Variants in ATE1 observed in about 807,000 individuals in gnomAD.
The protein encoded by ATE1 is arginyl-tRNA--protein transferase 1.
A neutral mutation model predicts 70.5 loss-of-function variants in ATE1; 36 were observed. The ratio of observed to expected loss-of-function variants is 0.51; its 90% CI spans 0.39 to 0.67. The LOEUF (loss-of-function observed/expected upper bound fraction) is 0.67. ATE1 is among the 30% of genes least tolerant of loss of function. The pLI is 0.00. For synonymous variants in ATE1, 232 were observed against 219.3 expected (o/e 1.06, Z -0.51); for missense variants, 593 against 629.5 (o/e 0.94, Z 0.62).
intron 11 of ATE1, among the ~76,000 whole-genome samples, chr10:121,753,337 A>G (rs1480996503): frequency 2.6e-5 from 4 of 152,210 alleles, no homozygotes; most frequent in Non-Finnish European, 5.9e-5. Flanking sequence ...CTAAAATATA[A>G]TATTTCAAAG....
intron 10 of ATE1, among the ~76,000 whole-genome samples, chr10:121,800,536 ATT>A (rs1946836116): frequency 6.6e-6 from 1 of 152,336 alleles, no homozygotes; most frequent in African/African-American, 2.4e-5. Flanking sequence ...AGGATTTTAT[ATT>A]TGAAAAGAGG....
At chr10:121,755,237 C>T (rs1273510886) in intron 11 of ATE1, among the ~76,000 whole-genome samples, 2 of 152,146 alleles carry the variant, frequency 1.3e-5, no homozygotes, top group Non-Finnish European at 2.9e-5. Context: ...TAGATGGTAA[C>T]ATCTCAATGT....
intron 11 of ATE1, among the ~76,000 whole-genome samples, chr10:121,749,042 A>T (rs1291182520): frequency 6.6e-6 from 1 of 152,168 alleles, no homozygotes. Flanking sequence ...ACTGTCCCAA[A>T]TTCTTTAGTT....
At chr10:121,886,305 A>G (rs941865085) in intron 7 of ATE1, among the ~76,000 whole-genome samples, 16 of 151,704 alleles carry the variant, frequency 1.1e-4, no homozygotes, top group Non-Finnish European at 1.9e-4. Flanking sequence ...AAAAAAAAAA[A>G]AAACCCACCT....
At chr10:121,753,293 C>T (rs1219614688) in intron 11 of ATE1, among the ~76,000 whole-genome samples, 1 of 152,014 alleles carries the variant, frequency 6.6e-6, no homozygotes, top group Admixed American at 6.5e-5. Context: ...AATCTGAATG[C>T]CTTTTATTTC....
intron 3 of ATE1, among the ~76,000 whole-genome samples, chr10:121,920,347 C>T (rs1951830043): frequency 6.6e-6 from 1 of 151,858 alleles, no homozygotes; most frequent in Admixed American, 6.6e-5. Context: ...GCCTAGGAAA[C>T]ATGGCAAGAC....
chr10:121,788,301 G>T (rs1026025639), intron 11 of ATE1, among the ~76,000 whole-genome samples: 1 of 152,152 alleles, frequency 6.6e-6, no homozygotes. Context: ...ACGATCAGAC[G>T]CTGGCTAATA....
At chr10:121,784,614 T>C (rs1332276074) in intron 11 of ATE1, among the ~76,000 whole-genome samples, 3 of 152,152 alleles carry the variant, frequency 2.0e-5, no homozygotes, top group African/African-American at 7.2e-5. Flanking sequence ...TCCCAGCACT[T>C]TGGGAGGCAG....
chr10:121,811,740 T>A (rs1947326187), intron 10 of ATE1, among the ~76,000 whole-genome samples: 1 of 152,164 alleles, frequency 6.6e-6, no homozygotes, highest in African/African-American at 2.4e-5. Context: ...TCTGATTTAA[T>A]CTAAATTAAG....
intron 11 of ATE1, among the ~76,000 whole-genome samples, chr10:121,756,272 C>A (rs145152876): frequency 0.01 from 1,563 of 152,322 alleles, 11 homozygotes; most frequent in African/African-American, 0.027. Context: ...TGGTCTTGGG[C>A]AGCTCCGCCC....
intron 10 of ATE1, among the ~76,000 whole-genome samples, chr10:121,801,493 T>G (rs975351730): frequency 1.1e-4 from 16 of 152,030 alleles, no homozygotes; most frequent in Admixed American, 2.0e-4. Flanking sequence ...TGAAGGGTCG[T>G]AAGTTGAAAA....
At chr10:121,839,973 G>C (rs1239926673) in intron 9 of ATE1, among the ~76,000 whole-genome samples, 1 of 152,174 alleles carries the variant, frequency 6.6e-6, no homozygotes, top group Non-Finnish European at 1.5e-5. Context: ...GAGATGAAAA[G>C]AGAAAAGTAT....
intron 7 of ATE1, among the ~76,000 whole-genome samples, chr10:121,879,065 A>G (rs551894558): frequency 3.3e-5 from 5 of 152,348 alleles, no homozygotes; most frequent in Admixed American, 3.3e-4. Flanking sequence ...AAAATACACA[A>G]TTTTATGATA....
Position 121,910,909 on chromosome 10 carries a change from G to C in ATE1, c.580C>G (p.Pro194Ala). The C allele has an allele frequency of 5.6e-6, 9 of 1,613,086 alleles. No homozygotes were observed. Among genetic ancestry groups the C allele is most frequent in the Non-Finnish European group, 7.6e-6 (9 of 1,179,824 alleles). ...HSVKVHTVPKPGKGADLSKPP... is the reference protein window; with the variant it reads ...HSVKVHTVPKAGKGADLSKPP... ...TGGTATCAAAAATCTTTACTACCTG[G>C]CTTAGGAACTGTGTGAACTTTAACT... The change falls in exon 5 of 12, where the codon CCA becomes GCA. Residue 194 changes from proline (P) to alanine (A), a missense_variant. Transcript: ENST00000224652.
At chr10:121,819,686 A>AAAAAAAAAAC in intron 10 of ATE1, among the ~76,000 whole-genome samples, 1 of 147,434 alleles carries the variant, frequency 6.8e-6, no homozygotes, top group African/African-American at 2.5e-5. Context: ...TCTCAAAAAA[A>AAAAAAAAAAC]AAAAAAAAAA....
In ATE1 at chr10:121,836,833, G is replaced by C. The variant is rs1188898330; in HGVS notation, c.1158-16C>G. 2 of 1,470,040 alleles carry C rather than the reference G, an allele frequency of 1.4e-6. No individual in the cohort carries two copies. The highest frequency in any genetic ancestry group is 1.9e-6 in the Non-Finnish European group (2 of 1,060,944). The allele number at this position is 1,470,040 out of a possible 1,614,324, so 91.1% of individuals were successfully genotyped here. Reference sequence around the variant, plus strand: ...AGCAATTTCTCTGCGAAAAGAAAAAGAAGAAAGCTGAAGGCAGTTAATTCT... The same window carrying C: ...AGCAATTTCTCTGCGAAAAGAAAAACAAGAAAGCTGAAGGCAGTTAATTCT... On this transcript the variant is annotated splice_polypyrimidine_tract_variant and intron_variant, in intron 9 of 11. Transcript: ENST00000224652.
chr10:121,919,505 G>A (rs76221799), intron 3 of ATE1, among the ~76,000 whole-genome samples: 1 of 152,078 alleles, frequency 6.6e-6, no homozygotes, highest in East Asian at 1.9e-4. Flanking sequence ...AGGTTGCAGT[G>A]AGCCGAGATA....
intron 10 of ATE1, among the ~76,000 whole-genome samples, chr10:121,812,165 A>G (rs1326869836): frequency 6.6e-6 from 1 of 151,922 alleles, no homozygotes; most frequent in Non-Finnish European, 1.5e-5. Context: ...CATGTTGCCC[A>G]GGCTAGTCTG....
chr10:121,768,770 A>T (rs771125212), intron 11 of ATE1, among the ~76,000 whole-genome samples: 5 of 152,068 alleles, frequency 3.3e-5, no homozygotes, highest in Non-Finnish European at 7.4e-5. Flanking sequence ...ACAGAAGACC[A>T]CCATGGTCTG....
Sources: allele counts gnomAD v4.1 joint callset (sites outside exome capture counted in the v4.1 genomes callset), GRCh38; gene constraint gnomAD v4.1.1; transcripts MANE v1.5; gene names NCBI Gene and HGNC (gene_info 2026-07-23, HGNC 2026-07-21).